NIPA1: variants seen among roughly 807,000 people sequenced by gnomAD.
NIPA1 encodes the protein NIPA magnesium transporter 1.
A neutral mutation model predicts 23.9 loss-of-function variants in NIPA1; 13 were observed. The observed-to-expected ratio is 0.54, with a 90% CI of 0.35 to 0.87. The LOEUF (loss-of-function observed/expected upper bound fraction) is 0.87. NIPA1 is among the 40% of genes least tolerant of loss of function. The pLI is 0.01. For synonymous variants in NIPA1, 234 were observed against 202.9 expected (o/e 1.15, Z -1.30); for missense variants, 362 against 429.7 (o/e 0.84, Z 1.39).
At chr15:22,808,573 A>G (rs1308737480) in intron 1 of NIPA1, among the ~76,000 whole-genome samples, 1 of 152,228 alleles carries the variant, frequency 6.6e-6, no homozygotes, top group Admixed American at 6.5e-5. Flanking sequence ...TTAATAAGAA[A>G]AACCCATGGA....
At chr15:22,822,074 A>G (rs113356022) in intron 4 of NIPA1, among the ~76,000 whole-genome samples, 2,783 of 152,222 alleles carry the variant, frequency 0.018, 41 homozygotes, top group Non-Finnish European at 0.026. Flanking sequence ...GTGGGGGTGT[A>G]ATGTTATTGA....
chr15:22,797,183 G>A (rs927391934), intron 1 of NIPA1, among the ~76,000 whole-genome samples: 1 of 149,894 alleles, frequency 6.7e-6, no homozygotes, highest in East Asian at 2.0e-4. Flanking sequence ...GGGATTACAT[G>A]TGAACACCAC....
Position 22,815,670 on chromosome 15 carries a change from A to G in NIPA1, c.317+3417A>G, listed in dbSNP as rs948420516. 5.3e-5 allele frequency among the ~76,000 whole-genome samples: 8 copies of G among 151,974 alleles called. 1 individual carries two copies. The highest frequency in any genetic ancestry group is 1.9e-4 in the East Asian group (1 of 5,188). The stretch of plus-strand genomic sequence containing the variant: ...GATAAAGCTCATTAAAAAAACAACT[A>G]TGAACTAATTCTCTTATGAATATAG... On this transcript the variant is annotated intron_variant, in intron 3 of 4. Transcript: ENST00000337435.
intron 1 of NIPA1, among the ~76,000 whole-genome samples, chr15:22,801,568 T>C (rs967773439): frequency 7.2e-6 from 1 of 139,802 alleles, no homozygotes; most frequent in East Asian, 2.1e-4. Flanking sequence ...CAGGCTGGAG[T>C]GCAGTGGCAT....
chr15:22,822,182 C>T, intron 4 of NIPA1, among the ~76,000 whole-genome samples: 1 of 152,156 alleles, frequency 6.6e-6, no homozygotes, highest in Non-Finnish European at 1.5e-5. Flanking sequence ...CCTCAATTTA[C>T]ATGGAAGTGA....
At chr15:22,819,429 A>T (rs982500753) in intron 3 of NIPA1, 3 of 152,194 alleles carry the variant, frequency 2.0e-5, no homozygotes, top group Non-Finnish European at 4.4e-5. Context: ...AAGGTGTTCC[A>T]ATTCAGATTG....
chr15:22,812,215 C>G lies in NIPA1; in HGVS notation c.279C>G (p.Val93=). The G allele has an allele frequency of 6.2e-7, 1 of 1,613,886 alleles. No individual in the cohort carries two copies. Among genetic ancestry groups the G allele is most frequent in the Non-Finnish European group, 8.5e-7 (1 of 1,179,808 alleles). The change falls in exon 3 of 5, where the codon GTC becomes GTG. Residue 93 remains valine (V), a synonymous_variant. Transcript: ENST00000337435. ...TGGCTTACACGGCGGTCCCCACGGT[C>G]CTGGTAACCCCCCTGGGCGCCCTTG... ...NFLAYTAVPT[V]LVTPLGALGV... is the part of the protein sequence containing the mutation.
chr15:22,815,075 A>G (rs778366824), intron 3 of NIPA1, among the ~76,000 whole-genome samples: 1 of 152,200 alleles, frequency 6.6e-6, no homozygotes, highest in East Asian at 1.9e-4. Flanking sequence ...GCACTGTTCT[A>G]TATGAATATG....
intron 1 of NIPA1, among the ~76,000 whole-genome samples, chr15:22,805,350 C>T (rs897416111): frequency 2.0e-5 from 3 of 152,038 alleles, no homozygotes; most frequent in Non-Finnish European, 4.4e-5. Context: ...CTGGCTGTGC[C>T]GGTGTCAGGA....
chr15:22,828,897 G>C lies in NIPA1; in HGVS notation c.*4658G>C, dbSNP rs1224986620. On this transcript the variant is annotated 3_prime_UTR_variant, in exon 5 of 5. Coordinates refer to ENST00000337435, the MANE Select transcript of NIPA1 (RefSeq NM_144599.5). ...CCGGCACTTTCAGCAGTGTTCTGGTGGCCTGAGATGAGAGCACCGTGTTCA... is the reference window on the plus strand; with the variant it reads ...CCGGCACTTTCAGCAGTGTTCTGGTCGCCTGAGATGAGAGCACCGTGTTCA... The C allele has an allele frequency of 6.6e-6, 1 of 152,556 alleles. No homozygotes were observed. The highest frequency in any genetic ancestry group is 1.5e-5 in the Non-Finnish European group (1 of 68,070). 9.5% of individuals were successfully genotyped at this position (152,556 alleles called of 1,614,324 possible). A position where few individuals can be genotyped will look rare whatever the true frequency, so the allele number is the denominator to read the frequency against.
At chr15:22,820,560 G>A in intron 4 of NIPA1, 87 bp downstream of exon 4, 2 of 997,174 alleles carry the variant, frequency 2.0e-6, no homozygotes, top group Non-Finnish European at 3.2e-6. Context: ...GATGCTTCCT[G>A]GCAGGGCAGA....
chr15:22,802,950 A>AC (rs1440880030), intron 1 of NIPA1, among the ~76,000 whole-genome samples: 1 of 151,232 alleles, frequency 6.6e-6, no homozygotes, highest in Non-Finnish European at 1.5e-5. Context: ...CTGTTGATGA[A>AC]CTTTTTTTTT....
At chr15:22,811,188 G>A (rs765079825) in intron 2 of NIPA1, 28 of 262,088 alleles carry the variant, frequency 1.1e-4, no homozygotes, top group Non-Finnish European at 1.9e-4. Flanking sequence ...TCTCAGCACA[G>A]TTGGTTTAAC....
intron 1 of NIPA1, among the ~76,000 whole-genome samples, chr15:22,803,503 CTTTTTT>C (rs35223839): frequency 5.8e-5 from 4 of 69,332 alleles, no homozygotes; most frequent in African/African-American, 1.8e-4. Context: ...TTAAAAGTGC[CTTTTTT>C]TTTTTTTTTT....
Position 22,786,731 on chromosome 15 carries a change from C to T in NIPA1, c.75C>T (p.Pro25=), listed in dbSNP as rs1484871103. 3 of 1,255,818 alleles carry T rather than the reference C, an allele frequency of 2.4e-6. No homozygotes were observed. Among genetic ancestry groups the T allele is most frequent in the Non-Finnish European group, 3.1e-6 (3 of 981,004 alleles). The allele number at this position is 1,255,818 out of a possible 1,614,324, so 77.8% of individuals were successfully genotyped here. The part of the protein sequence containing the change: ...AAGEGARSPS[P]AAVSLGLGVA... ...GGGAGGGGGCGCGTAGCCCGAGCCCCGCCGCCGTGTCGCTCGGCCTGGGCG... is the reference window on the plus strand; with the variant it reads ...GGGAGGGGGCGCGTAGCCCGAGCCCTGCCGCCGTGTCGCTCGGCCTGGGCG... The change falls in exon 1 of 5, where the codon CCC becomes CCT. Residue 25 remains proline (P), a synonymous_variant. Transcript: ENST00000337435.
intron 1 of NIPA1, among the ~76,000 whole-genome samples, chr15:22,798,772 C>T (rs1191008535): frequency 3.2e-5 from 4 of 125,676 alleles, no homozygotes; most frequent in African/African-American, 1.2e-4. Flanking sequence ...GGAGGCGGAA[C>T]TTGCAGTGAG....
intron 1 of NIPA1, among the ~76,000 whole-genome samples, chr15:22,808,956 C>T (rs528811751): frequency 3.4e-4 from 51 of 152,190 alleles, no homozygotes; most frequent in Non-Finnish European, 8.8e-5. Flanking sequence ...AGGTGTGAGC[C>T]GCCGGGCCCA....
At chr15:22,805,063 A>G (rs1895178005) in intron 1 of NIPA1, among the ~76,000 whole-genome samples, 2 of 151,908 alleles carry the variant, frequency 1.3e-5, no homozygotes, top group Admixed American at 6.6e-5. Context: ...GATGGTCTCA[A>G]TCTCCTGACC....
chr15:22,816,171 A>C (rs1474901212), intron 3 of NIPA1, among the ~76,000 whole-genome samples: 2 of 149,202 alleles, frequency 1.3e-5, no homozygotes, highest in African/African-American at 5.0e-5. Flanking sequence ...TATTGGCAGA[A>C]GACCTGATTT....
Sources: gnomAD v4.1 joint callset for allele counts (sites outside exome capture counted in the v4.1 genomes callset) on GRCh38, gnomAD v4.1.1 for gene constraint, MANE v1.5 for transcripts, NCBI Gene and HGNC (gene_info 2026-07-23, HGNC 2026-07-21) for gene names.